The following SMIM3 variants were observed in gnomAD, a reference collection of about 807,000 sequenced individuals.
SMIM3 encodes small integral membrane protein 3.
Under a neutral mutation model 2.1 loss-of-function variants are expected in SMIM3, and 4 were observed. The observed-to-expected ratio is 1.89, with a 90% CI of 0.93 to 4.31. SMIM3 has a LOEUF of 4.31. Among genes scored for constraint, SMIM3 ranks in the 30% most tolerant of loss-of-function variants. SMIM3 has a pLI of 0.01. For missense variants in SMIM3, 79 were observed against 77.7 expected, an observed-to-expected ratio of 1.02 and a Z score of -0.06; for synonymous variants, 29 against 30.8, an observed-to-expected ratio of 0.94 and a Z score of 0.19.
intron 1 of SMIM3, among the ~76,000 whole-genome samples, chr5:150,790,360 C>T (rs755816144): frequency 1.3e-5 from 2 of 152,120 alleles, no homozygotes; most frequent in African/African-American, 4.8e-5. Context: ...TTCCTTTAGT[C>T]TAAGGCAGCT....
At chr5:150,786,062 G>A (rs1381675440) in intron 1 of SMIM3, among the ~76,000 whole-genome samples, 1 of 151,988 alleles carries the variant, frequency 6.6e-6, no homozygotes, top group Admixed American at 6.6e-5. Context: ...GTATATTTAT[G>A]TTGTACCTTG....
At chr5:150,794,241 C>G (rs1753378925) in intron 1 of SMIM3, among the ~76,000 whole-genome samples, 1 of 152,166 alleles carries the variant, frequency 6.6e-6, no homozygotes, top group South Asian at 2.1e-4. Flanking sequence ...TAAACTAGTA[C>G]AGCCACTATA....
intron 1 of SMIM3, among the ~76,000 whole-genome samples, chr5:150,794,125 A>C (rs1013479967): frequency 3.9e-5 from 6 of 152,214 alleles, no homozygotes; most frequent in African/African-American, 1.4e-4. Context: ...ATGCGATACC[A>C]CCTTAATCCT....
At chr5:150,780,104 A>G (rs1339125998) in intron 1 of SMIM3, among the ~76,000 whole-genome samples, 2 of 152,158 alleles carry the variant, frequency 1.3e-5, no homozygotes, top group Non-Finnish European at 2.9e-5. Context: ...CAGTGGCCAC[A>G]TAGTTTGGAA....
chr5:150,779,351 G>A (rs1367959725), intron 1 of SMIM3, among the ~76,000 whole-genome samples: 1 of 152,086 alleles, frequency 6.6e-6, no homozygotes, highest in African/African-American at 2.4e-5. Flanking sequence ...CCAGCGTCAG[G>A]GTTCAGCGCC....
At chr5:150,789,237 A>G (rs1753324382) in intron 1 of SMIM3, among the ~76,000 whole-genome samples, 1 of 152,216 alleles carries the variant, frequency 6.6e-6, no homozygotes, top group African/African-American at 2.4e-5. Context: ...CACTCATGAC[A>G]GAGAGGTCAA....
At chr5:150,790,605 C>T (rs1296207339) in intron 1 of SMIM3, among the ~76,000 whole-genome samples, 1 of 152,148 alleles carries the variant, frequency 6.6e-6, no homozygotes, top group Non-Finnish European at 1.5e-5. Flanking sequence ...GGGAACTTGC[C>T]CAGATCTGCC....
At chr5:150,790,455 C>T (rs1043726266) in intron 1 of SMIM3, among the ~76,000 whole-genome samples, 2 of 152,196 alleles carry the variant, frequency 1.3e-5, no homozygotes, top group Admixed American at 6.5e-5. Context: ...GTGACTCATG[C>T]TTCTGTGTCT....
chr5:150,781,962 C>T (rs1171244221), intron 1 of SMIM3, among the ~76,000 whole-genome samples: 10 of 152,152 alleles, frequency 6.6e-5, no homozygotes, highest in African/African-American at 2.2e-4. Context: ...ATGGTACGTG[C>T]GGTCTTACAC....
rs1303529315 is a variant in SMIM3 at position 150,795,454 on chromosome 5, G to A, written c.14G>A (p.Ser5Asn). The change falls in exon 2 of 2, where the codon AGC becomes AAC. Residue 5 changes from serine (S) to asparagine (N), a missense_variant. Coordinates refer to ENST00000526627, the MANE Select transcript of SMIM3 (RefSeq NM_032947.5). ...GAGTGAAGCAACATGGATGCAGTCA[G>A]CCAAGTCCCCATGGAAGTCGTGCTT... MDAV[S>N]QVPMEVVLPK... 1.2e-6 allele frequency: 2 copies of A among 1,613,892 alleles called. No homozygotes were observed. The highest frequency in any genetic ancestry group is 4.5e-5 in the East Asian group (2 of 44,898).
chr5:150,786,287 TTTG>T (rs1196131364), intron 1 of SMIM3, among the ~76,000 whole-genome samples: 2 of 152,184 alleles, frequency 1.3e-5, no homozygotes, highest in Admixed American at 6.5e-5. Context: ...TTTGGTTCTC[TTTG>T]TTGTTGTTGT....
chr5:150,792,996 A>T (rs907566159), intron 1 of SMIM3, among the ~76,000 whole-genome samples: 1 of 152,092 alleles, frequency 6.6e-6, no homozygotes, highest in African/African-American at 2.4e-5. Flanking sequence ...GTAACTAGTT[A>T]AGAATGAAAT....
chr5:150,784,495 G>T (rs752886789), intron 1 of SMIM3, among the ~76,000 whole-genome samples: 1 of 151,954 alleles, frequency 6.6e-6, no homozygotes, highest in Admixed American at 6.6e-5. Flanking sequence ...CACTATAATT[G>T]CAGATTTGTC....
At position 150,795,761 on chromosome 5, in the gene SMIM3, T is replaced by C; in HGVS notation, c.*138T>C. 1 of 977,956 alleles carries C rather than the reference T, an allele frequency of 1.0e-6. No individual in the cohort carries two copies. Among genetic ancestry groups the C allele is most frequent in the Non-Finnish European group, 1.5e-6 (1 of 677,292 alleles). 60.6% of individuals were successfully genotyped at this position (977,956 alleles called of 1,614,324 possible). ...TTTTGATTCTGCCACGAGCCAGCTG[T>C]GTGAATTTGGTCAAGGGACCTAACT... is the stretch of plus-strand genomic sequence containing the variant. On this transcript the variant is annotated 3_prime_UTR_variant, in exon 2 of 2. Transcript: ENST00000526627.
intron 1 of SMIM3, among the ~76,000 whole-genome samples, chr5:150,793,651 C>T (rs1453691696): frequency 6.6e-6 from 1 of 152,182 alleles, no homozygotes; most frequent in Non-Finnish European, 1.5e-5. Flanking sequence ...CCTCATCTCT[C>T]ACCTCATACA....
At chr5:150,783,087 T>C (rs1365553015) in intron 1 of SMIM3, among the ~76,000 whole-genome samples, 1 of 152,222 alleles carries the variant, frequency 6.6e-6, no homozygotes, top group African/African-American at 2.4e-5. Flanking sequence ...GGAAAAACTT[T>C]ACTAAAACGT....
At chr5:150,792,965 G>A (rs1329877826) in intron 1 of SMIM3, among the ~76,000 whole-genome samples, 1 of 152,032 alleles carries the variant, frequency 6.6e-6, no homozygotes, top group Non-Finnish European at 1.5e-5. Context: ...ACAGTGTCCA[G>A]CAGGTGCATA....
chr5:150,795,618 G>C lies in SMIM3; in HGVS notation c.178G>C (p.Val60Leu). The change falls in exon 2 of 2, where the codon GTT (valine) becomes CTT (leucine). Residue 60 changes from valine (V) to leucine (L), a missense_variant. Coordinates refer to ENST00000526627, the MANE Select transcript of SMIM3 (RefSeq NM_032947.5). ...MRTHPILSGA[V>L] Reference sequence around the variant, plus strand: ...GACTCATCCGATCCTTAGTGGGGCTGTTTGAGAGCCTCCCAAGAGGGCCGG... The same window carrying C: ...GACTCATCCGATCCTTAGTGGGGCTCTTTGAGAGCCTCCCAAGAGGGCCGG... 1.9e-6 allele frequency: 3 copies of C among 1,545,656 alleles called. No individual in the cohort carries two copies. The highest frequency in any genetic ancestry group is 2.6e-6 in the Non-Finnish European group (3 of 1,151,398).
intron 1 of SMIM3, among the ~76,000 whole-genome samples, chr5:150,782,866 G>A (rs1753250441): frequency 6.6e-6 from 1 of 152,162 alleles, no homozygotes. Context: ...GCCAGGCCCT[G>A]TGATAGGTGC....
Sources: gnomAD v4.1 joint callset for allele counts (sites outside exome capture counted in the v4.1 genomes callset) on GRCh38, gnomAD v4.1.1 for gene constraint, MANE v1.5 for transcripts, NCBI Gene and HGNC (gene_info 2026-07-23, HGNC 2026-07-21) for gene names.